The following SLC10A7 variants were observed in gnomAD, a reference collection of about 807,000 sequenced individuals.
SLC10A7 encodes sodium/bile acid cotransporter 7.
In SLC10A7, 29 loss-of-function variants were observed where a neutral mutation model predicts 43.2. That is an observed-to-expected ratio of 0.67 (90% CI 0.50 to 0.92). The LOEUF (loss-of-function observed/expected upper bound fraction) is 0.92. Among genes scored for constraint, SLC10A7 ranks in the 40% least tolerant of loss-of-function variants. The pLI, the probability that SLC10A7 is intolerant of heterozygous loss-of-function variation, is 0.00. For missense variants in SLC10A7, 295 were observed against 403.2 expected (o/e 0.73, Z 2.30); for synonymous variants, 152 against 144.8 (o/e 1.05, Z -0.35).
At chr4:146,434,153 C>T (rs1016907646) in intron 5 of SLC10A7, among the ~76,000 whole-genome samples, 1 of 151,952 alleles carries the variant, frequency 6.6e-6, no homozygotes, top group African/African-American at 2.4e-5. Flanking sequence ...AGGGAAAAAG[C>T]AGAAAATAAG....
chr4:146,384,064 T>C (rs1479395475), intron 5 of SLC10A7, among the ~76,000 whole-genome samples: 2 of 151,838 alleles, frequency 1.3e-5, no homozygotes, highest in African/African-American at 4.8e-5. Flanking sequence ...ATCTCTGAGA[T>C]CTAACACTAT....
At position 146,370,952 on chromosome 4, in the gene SLC10A7, G is replaced by T. The variant is rs1485217219; in HGVS notation, c.436-44956C>A. On this transcript the variant is annotated intron_variant, in intron 5 of 11. Transcript: ENST00000335472. Reference sequence around the variant, plus strand: ...AAGTAAAGTTAACCCCATTTGCAAAGTGTGTGCTTAGCAGCACCATAAAAA... The same window carrying T: ...AAGTAAAGTTAACCCCATTTGCAAATTGTGTGCTTAGCAGCACCATAAAAA... Among the ~76,000 whole-genome samples, 5 of 152,186 alleles carry T rather than the reference G, an allele frequency of 3.3e-5. No homozygotes were observed. In the East Asian group the frequency reaches 9.6e-4, roughly 29 times the overall value.
At chr4:146,440,566 C>G (rs954168579) in intron 5 of SLC10A7, among the ~76,000 whole-genome samples, 2 of 152,072 alleles carry the variant, frequency 1.3e-5, no homozygotes, top group African/African-American at 4.8e-5. Context: ...AAATCTTAAT[C>G]TTGTATAAAT....
At chr4:146,502,965 G>A (rs572162723) in intron 4 of SLC10A7, among the ~76,000 whole-genome samples, 1 of 152,270 alleles carries the variant, frequency 6.6e-6, no homozygotes, top group Admixed American at 6.5e-5. Flanking sequence ...TGATTGTGGT[G>A]ATGGTTTCAC....
intron 10 of SLC10A7, among the ~76,000 whole-genome samples, chr4:146,281,582 C>T (rs1729560116): frequency 6.6e-6 from 1 of 152,070 alleles, no homozygotes; most frequent in Non-Finnish European, 1.5e-5. Flanking sequence ...GCAGCATCTG[C>T]CTCTGGACTC....
At chr4:146,416,851 T>C (rs1405823090) in intron 5 of SLC10A7, among the ~76,000 whole-genome samples, 3 of 152,186 alleles carry the variant, frequency 2.0e-5, no homozygotes, top group Non-Finnish European at 4.4e-5. Context: ...AATACCTTTG[T>C]ACTTTGAGTT....
At chr4:146,265,979 T>C (rs147981749) in intron 10 of SLC10A7, among the ~76,000 whole-genome samples, 39 of 152,370 alleles carry the variant, frequency 2.6e-4, no homozygotes, top group Admixed American at 3.9e-4. Flanking sequence ...TAGCATGAGA[T>C]AGTATACTCC....
intron 9 of SLC10A7, 99 bp downstream of exon 9, chr4:146,292,830 G>A: frequency 2.5e-6 from 2 of 799,970 alleles, no homozygotes; most frequent in East Asian, 2.8e-5. Context: ...ATATGTAAAA[G>A]GAGAAAAAAA....
chr4:146,285,255 C>T (rs1183683972), intron 9 of SLC10A7, among the ~76,000 whole-genome samples: 1 of 152,094 alleles, frequency 6.6e-6, no homozygotes, highest in Non-Finnish European at 1.5e-5. Context: ...AGTGATCACA[C>T]AGCATGGTGT....
chr4:146,391,401 C>T lies in SLC10A7; in HGVS notation c.435+51382G>A, dbSNP rs533586585. ...TTATTGTTGTTACCAAACAGAAAAA[C>T]AGTCTGTGTGACCATCACCAAGGAA... On this transcript the variant is annotated intron_variant, in intron 5 of 11. Transcript: ENST00000335472. Among the ~76,000 whole-genome samples, 206 of 152,262 alleles carry T rather than the reference C, an allele frequency of 1.4e-3. 1 individual carries two copies. The highest frequency in any genetic ancestry group is 7.0e-3 in the South Asian group (34 of 4,824).
intron 5 of SLC10A7, among the ~76,000 whole-genome samples, chr4:146,354,679 C>T (rs578242510): frequency 1.3e-5 from 2 of 151,136 alleles, no homozygotes; most frequent in African/African-American, 4.9e-5. Flanking sequence ...TGGTACTGTA[C>T]CAAAACAGAG....
At chr4:146,378,101 AAGACT>A (rs1447823172) in intron 5 of SLC10A7, among the ~76,000 whole-genome samples, 1 of 152,174 alleles carries the variant, frequency 6.6e-6, no homozygotes, top group Non-Finnish European at 1.5e-5. Flanking sequence ...TTAGGTGGAA[AAGACT>A]GGTTTTGGAT....
At chr4:146,365,571 A>C (rs978489997) in intron 5 of SLC10A7, among the ~76,000 whole-genome samples, 2 of 152,236 alleles carry the variant, frequency 1.3e-5, no homozygotes, top group African/African-American at 4.8e-5. Context: ...CAATGCTTCA[A>C]TATTACTACA....
chr4:146,256,465 T>C lies in SLC10A7; in HGVS notation c.*26A>G, dbSNP rs1309634042. ...ATGTACAATCCTGTACATATATACATTGCTACAGAAAGTCCACCTCCTTTG... is the reference window on the plus strand; with the variant it reads ...ATGTACAATCCTGTACATATATACACTGCTACAGAAAGTCCACCTCCTTTG... On this transcript the variant is annotated 3_prime_UTR_variant, in exon 12 of 12. Transcript: ENST00000335472. The C allele has an allele frequency of 6.2e-7, 1 of 1,612,960 alleles. No homozygotes were observed. The highest frequency in any genetic ancestry group is 2.2e-5 in the East Asian group (1 of 44,876).
At chr4:146,463,827 CTT>C (rs576818067) in intron 4 of SLC10A7, among the ~76,000 whole-genome samples, 14 of 136,280 alleles carry the variant, frequency 1.0e-4, no homozygotes, top group Non-Finnish European at 1.3e-4. Context: ...TTTTTTTTTT[CTT>C]TTTTTTTTTT....
At chr4:146,423,275 T>A (rs1440531211) in intron 5 of SLC10A7, among the ~76,000 whole-genome samples, 1 of 152,146 alleles carries the variant, frequency 6.6e-6, no homozygotes, top group Non-Finnish European at 1.5e-5. Flanking sequence ...TGCAACTAAC[T>A]CCTAGGTCTA....
chr4:146,508,419 T>C (rs2150041130), intron 3 of SLC10A7, among the ~76,000 whole-genome samples: 1 of 152,356 alleles, frequency 6.6e-6, no homozygotes. Context: ...TCTAAAATGA[T>C]GTCATCATAT....
chr4:146,411,319 G>A (rs1436112182), intron 5 of SLC10A7, among the ~76,000 whole-genome samples: 2 of 152,128 alleles, frequency 1.3e-5, no homozygotes, highest in Non-Finnish European at 2.9e-5. Flanking sequence ...AAAACAAAAT[G>A]AGCCAAATAA....
chr4:146,516,468 ATG>A (rs1737986372), intron 2 of SLC10A7, among the ~76,000 whole-genome samples: 3 of 147,730 alleles, frequency 2.0e-5, no homozygotes, highest in African/African-American at 7.5e-5. Flanking sequence ...GTATGTGTAT[ATG>A]TATATGTGTA....
Sources: allele counts gnomAD v4.1 joint callset (sites outside exome capture counted in the v4.1 genomes callset), GRCh38; gene constraint gnomAD v4.1.1; transcripts MANE v1.5; gene names NCBI Gene and HGNC (gene_info 2026-07-23, HGNC 2026-07-21).